The following PIP5K1B variants were observed in gnomAD, a reference collection of about 807,000 sequenced individuals.
The protein encoded by PIP5K1B is phosphatidylinositol 4-phosphate 5-kinase type-1 beta.
Under a neutral mutation model 67.0 loss-of-function variants are expected in PIP5K1B, and 42 were observed. The ratio of observed to expected loss-of-function variants is 0.63; its 90% CI spans 0.49 to 0.81. The LOEUF is 0.81. Among genes scored for constraint, PIP5K1B ranks in the 30% least tolerant of loss-of-function variants. The pLI is 0.00. For synonymous variants in PIP5K1B, 214 were observed against 231.4 expected (o/e 0.92, Z 0.68); for missense variants, 459 against 646.3 (o/e 0.71, Z 3.14).
intron 2 of PIP5K1B, chr9:68,780,612 C>T (rs146421193): frequency 5.6e-6 from 9 of 1,614,080 alleles, no homozygotes; most frequent in Non-Finnish European, 6.8e-6. Context: ...GTCACCCACT[C>T]GGGGAATTGG....
At chr9:68,864,925 A>G (rs1823282735) in intron 5 of PIP5K1B, among the ~76,000 whole-genome samples, 1 of 149,692 alleles carries the variant, frequency 6.7e-6, no homozygotes, top group African/African-American at 2.4e-5. Context: ...TCATCACCTT[A>G]TTAAAAATCT....
chr9:68,715,579 A>T (rs1045123772), intron 1 of PIP5K1B, among the ~76,000 whole-genome samples: 2 of 152,210 alleles, frequency 1.3e-5, no homozygotes, highest in African/African-American at 4.8e-5. Flanking sequence ...TTCCCTCTCC[A>T]GGAGGGCTTC....
At chr9:68,999,516 G>T (rs1830726862) in intron 15 of PIP5K1B, among the ~76,000 whole-genome samples, 1 of 152,226 alleles carries the variant, frequency 6.6e-6, no homozygotes, top group South Asian at 2.1e-4. Flanking sequence ...ACCTGTTGGG[G>T]ACATAATTTG....
intron 2 of PIP5K1B, among the ~76,000 whole-genome samples, chr9:68,793,718 A>G (rs1354617485): frequency 1.3e-5 from 2 of 152,154 alleles, no homozygotes; most frequent in African/African-American, 2.4e-5. Flanking sequence ...ACGTTAAGCA[A>G]TCTTTATTAG....
At chr9:68,805,060 A>G (rs1037281219) in intron 2 of PIP5K1B, among the ~76,000 whole-genome samples, 1 of 152,240 alleles carries the variant, frequency 6.6e-6, no homozygotes, top group Non-Finnish European at 1.5e-5. Context: ...TCTTCAAGGA[A>G]GTCCTCAGGG....
intron 4 of PIP5K1B, among the ~76,000 whole-genome samples, chr9:68,854,205 G>A (rs568950884): frequency 3.4e-5 from 5 of 145,834 alleles, no homozygotes; most frequent in Admixed American, 2.1e-4. Flanking sequence ...ATCACAGCTC[G>A]CTACAACCTT....
intron 2 of PIP5K1B, among the ~76,000 whole-genome samples, chr9:68,800,242 A>T (rs1405497210): frequency 6.6e-6 from 1 of 152,208 alleles, no homozygotes; most frequent in Non-Finnish European, 1.5e-5. Context: ...CACACACAGC[A>T]TGTGGTATGT....
chr9:68,983,224 C>A (rs1313769094), intron 14 of PIP5K1B, among the ~76,000 whole-genome samples: 1 of 152,158 alleles, frequency 6.6e-6, no homozygotes, highest in African/African-American at 2.4e-5. Context: ...CTACCCACCT[C>A]CAGCCTTTAA....
intron 8 of PIP5K1B, among the ~76,000 whole-genome samples, chr9:68,908,014 C>T (rs149228419): frequency 6.6e-6 from 1 of 152,284 alleles, no homozygotes; most frequent in East Asian, 1.9e-4. Context: ...CTGTAGCAGA[C>T]AGTGGTGAGG....
intron 2 of PIP5K1B, among the ~76,000 whole-genome samples, chr9:68,746,274 T>G (rs1052571887): frequency 3.9e-5 from 6 of 151,994 alleles, no homozygotes; most frequent in Non-Finnish European, 8.8e-5. Flanking sequence ...AGACTGGGTT[T>G]TGCTATGTTG....
At chr9:68,962,147 T>C (rs1828784804) in intron 14 of PIP5K1B, among the ~76,000 whole-genome samples, 1 of 152,172 alleles carries the variant, frequency 6.6e-6, no homozygotes, top group Admixed American at 6.5e-5. Context: ...CTCCAATTAT[T>C]CAAGGTCATT....
chr9:68,714,274 T>C (rs2132245186), intron 1 of PIP5K1B, among the ~76,000 whole-genome samples: 1 of 152,308 alleles, frequency 6.6e-6, no homozygotes, highest in African/African-American at 2.4e-5. Context: ...AGCTCTGTGG[T>C]GGGCACCGCT....
intron 4 of PIP5K1B, among the ~76,000 whole-genome samples, chr9:68,845,966 G>C (rs1587546265): frequency 6.6e-6 from 1 of 152,162 alleles, no homozygotes; most frequent in East Asian, 1.9e-4. Flanking sequence ...TGTAAAACAT[G>C]ATCTAGGATT....
chr9:68,824,693 T>A (rs1257537405), intron 4 of PIP5K1B, among the ~76,000 whole-genome samples: 1 of 152,164 alleles, frequency 6.6e-6, no homozygotes, highest in African/African-American at 2.4e-5. Flanking sequence ...AATATGGTAT[T>A]GATATGAATA....
intron 2 of PIP5K1B, among the ~76,000 whole-genome samples, chr9:68,756,941 A>G (rs1027265878): frequency 2.6e-5 from 4 of 152,160 alleles, no homozygotes; most frequent in African/African-American, 9.7e-5. Flanking sequence ...TATATTTTCT[A>G]TTTTTTATTC....
chr9:68,764,767 C>G (rs1830352484), intron 2 of PIP5K1B, among the ~76,000 whole-genome samples: 1 of 152,008 alleles, frequency 6.6e-6, no homozygotes, highest in Non-Finnish European at 1.5e-5. Flanking sequence ...TTTCCTCGTC[C>G]TCACCTTCAT....
At chr9:68,821,679 A>C (rs1833738852) in intron 3 of PIP5K1B, among the ~76,000 whole-genome samples, 1 of 152,236 alleles carries the variant, frequency 6.6e-6, no homozygotes, top group Admixed American at 6.5e-5. Context: ...AAAAGCTTTA[A>C]ATTTTTTAAT....
chr9:68,801,438 A>C (rs949631572), intron 2 of PIP5K1B, among the ~76,000 whole-genome samples: 1 of 152,194 alleles, frequency 6.6e-6, no homozygotes, highest in Non-Finnish European at 1.5e-5. Context: ...TGCTGAGAAA[A>C]GAGGGTACAT....
Position 68,938,150 on chromosome 9 carries a change from C to T in PIP5K1B, c.1358-2496C>T, listed in dbSNP as rs558761820. Among the ~76,000 whole-genome samples the T allele has an allele frequency of 7.2e-5, 11 of 152,220 alleles. No homozygotes were observed. The East Asian group carries it at 2.1e-3, about 29-fold the overall frequency. ...AGAGCTGAGTTCAAGTCCTGAATAT[C>T]CTTGTTAATTTTCTGTCTCGTTGAT... On this transcript the variant is annotated intron_variant, in intron 13 of 15. Transcript: ENST00000265382.
Sources: gnomAD v4.1 joint callset for allele counts (sites outside exome capture counted in the v4.1 genomes callset) on GRCh38, gnomAD v4.1.1 for gene constraint, MANE v1.5 for transcripts, NCBI Gene and HGNC (gene_info 2026-07-23, HGNC 2026-07-21) for gene names.